The following CDH11 variants were observed in gnomAD, a reference collection of about 807,000 sequenced individuals.
CDH11 encodes cadherin-11.
A neutral mutation model predicts 67.8 loss-of-function variants in CDH11; 11 were observed. The observed-to-expected ratio is 0.16, with a 90% CI of 0.10 to 0.27. The LOEUF (loss-of-function observed/expected upper bound fraction) is 0.27. CDH11 is among the 10% of genes least tolerant of loss of function. The pLI, the probability that CDH11 is intolerant of heterozygous loss-of-function variation, is 1.00. For synonymous variants in CDH11, 419 were observed against 400.0 expected (o/e 1.05, Z -0.57); for missense variants, 847 against 1,031.2 (o/e 0.82, Z 2.45).
intron 1 of CDH11, among the ~76,000 whole-genome samples, chr16:65,098,112 G>C (rs2074930283): frequency 6.6e-6 from 1 of 152,194 alleles, no homozygotes; most frequent in Admixed American, 6.5e-5. Context: ...AACTGTGGAA[G>C]AGAAGGCCAT....
intron 1 of CDH11, among the ~76,000 whole-genome samples, chr16:65,096,421 G>A (rs2074893880): frequency 6.9e-6 from 1 of 143,918 alleles, no homozygotes; most frequent in African/African-American, 2.7e-5. Context: ...GTGTGTGTGT[G>A]TGTGTGTGTG....
intron 4 of CDH11, among the ~76,000 whole-genome samples, chr16:64,993,592 A>T (rs2072686682): frequency 6.6e-6 from 1 of 152,192 alleles, no homozygotes; most frequent in South Asian, 2.1e-4. Flanking sequence ...TACTGGCATG[A>T]AAATTGCATC....
Position 64,956,865 on chromosome 16 carries a change from C to T in CDH11, c.1643-5847G>A, listed in dbSNP as rs571488153. ...TATAGGGGTTAGATGATGATGTAGC[C>T]CAATGAGGAAATATATGAGACTGGC... On this transcript the variant is annotated intron_variant, in intron 11 of 12. Coordinates refer to ENST00000268603, the MANE Select transcript of CDH11 (RefSeq NM_001797.4). 6.6e-5 allele frequency among the ~76,000 whole-genome samples: 10 copies of T among 151,640 alleles called. No individual in the cohort carries two copies. The South Asian group carries it at 2.1e-3, about 32-fold the overall frequency.
chr16:65,052,482 G>C (rs990596968), intron 2 of CDH11, among the ~76,000 whole-genome samples: 1 of 152,138 alleles, frequency 6.6e-6, no homozygotes, highest in African/African-American at 2.4e-5. Context: ...GGCTTTGGGG[G>C]AAATAATGGC....
intron 2 of CDH11, among the ~76,000 whole-genome samples, chr16:65,044,654 G>A (rs2073924293): frequency 1.3e-5 from 2 of 152,052 alleles, no homozygotes; most frequent in Admixed American, 6.6e-5. Flanking sequence ...GAAGAAAAAT[G>A]TGTGCAAGGG....
At chr16:64,982,607 G>A (rs1262200030) in intron 7 of CDH11, 1 of 254,098 alleles carries the variant, frequency 3.9e-6, no homozygotes, top group Non-Finnish European at 7.5e-6. Context: ...ATTACCTAAG[G>A]AAGGGAATTA....
chr16:65,058,278 G>T (rs2074180713), intron 1 of CDH11, among the ~76,000 whole-genome samples: 1 of 152,114 alleles, frequency 6.6e-6, no homozygotes, highest in Non-Finnish European at 1.5e-5. Context: ...GGATATTTTG[G>T]ATATTTTGGA....
At chr16:65,019,660 A>C (rs1057153513) in intron 2 of CDH11, among the ~76,000 whole-genome samples, 2 of 152,146 alleles carry the variant, frequency 1.3e-5, no homozygotes, top group East Asian at 3.8e-4. Context: ...GGAGCATATT[A>C]GTGTTCCAAA....
chr16:65,010,988 C>T (rs192293), intron 2 of CDH11, among the ~76,000 whole-genome samples: 5 of 124,456 alleles, frequency 4.0e-5, no homozygotes, highest in Middle Eastern at 4.6e-3. Context: ...TATATATATA[C>T]ACACACATAT....
intron 6 of CDH11, among the ~76,000 whole-genome samples, chr16:64,989,927 T>C (rs1449679733): frequency 1.3e-5 from 2 of 152,220 alleles, no homozygotes; most frequent in African/African-American, 4.8e-5. Context: ...TCTATATTTA[T>C]CAATAGTATT....
intron 1 of CDH11, among the ~76,000 whole-genome samples, chr16:65,080,541 ATATCTTTCT>A (rs1344627656): frequency 1.3e-5 from 2 of 152,202 alleles, no homozygotes; most frequent in Non-Finnish European, 2.9e-5. Context: ...CATTGCTTGA[ATATCTTTCT>A]TTGATTAGTA....
At chr16:65,022,399 T>A (rs1456863265) in intron 2 of CDH11, among the ~76,000 whole-genome samples, 1 of 152,212 alleles carries the variant, frequency 6.6e-6, no homozygotes, top group Non-Finnish European at 1.5e-5. Flanking sequence ...CTTGTCCATG[T>A]GGCTAAACTT....
At chr16:65,109,751 A>G (rs1279325016) in intron 1 of CDH11, among the ~76,000 whole-genome samples, 1 of 152,154 alleles carries the variant, frequency 6.6e-6, no homozygotes. Context: ...ATGCCAAGCT[A>G]TTATGCTGCC....
At position 64,972,743 on chromosome 16, in the gene CDH11, T is replaced by G. The variant is rs368737289; in HGVS notation, c.1390+161A>C. The stretch of plus-strand genomic sequence containing the variant: ...ACAAGAACATTTCCCTTTGCCTATA[T>G]GTACTCCTAGAAAGATAACCGAAAA... On this transcript the variant is annotated intron_variant, in intron 9 of 12. Transcript: ENST00000268603. Among the ~76,000 whole-genome samples, 3 of 152,218 alleles carry G rather than the reference T, an allele frequency of 2.0e-5. No individual in the cohort carries two copies. The South Asian group carries it at 6.2e-4, about 32-fold the overall frequency.
In CDH11 at chr16:64,992,989, G is replaced by T; in HGVS notation, c.569C>A (p.Thr190Asn). The T allele has an allele frequency of 6.2e-7, 1 of 1,611,632 alleles. No individual in the cohort carries two copies. Among genetic ancestry groups the T allele is most frequent in the Non-Finnish European group, 8.5e-7 (1 of 1,177,800 alleles). ...CACTAACTTGGCGCTATTTCCATAA[G>T]TGGGGTCATCTGCATCTGAAGCTGT... ...QVTASDADDP[T>N]YGNSAKLVYS... Residue 190 changes from threonine (T) to asparagine (N), a missense_variant, in exon 5 of 13, where the codon ACT (threonine) becomes AAT (asparagine). Around this residue, in one of 2 missense-constraint regions of CDH11, gnomAD observed 235 missense variants for 352.5 expected, o/e 0.67. Coordinates refer to ENST00000268603, the MANE Select transcript of CDH11 (RefSeq NM_001797.4).
chr16:64,973,088 C>A (rs1456757005), intron 8 of CDH11, 48 bp from the exon 9 acceptor site: 2 of 1,567,126 alleles, frequency 1.3e-6, no homozygotes, highest in Admixed American at 3.6e-5. Context: ...TTCAGAGCAG[C>A]TTAATATTTG....
chr16:65,120,144 G>A (rs2075301204), intron 1 of CDH11, among the ~76,000 whole-genome samples: 1 of 152,192 alleles, frequency 6.6e-6, no homozygotes, highest in African/African-American at 2.4e-5. Context: ...CTGTTCTGGT[G>A]TCTGCACCTA....
chr16:65,096,650 T>C (rs2074902226), intron 1 of CDH11, among the ~76,000 whole-genome samples: 1 of 149,894 alleles, frequency 6.7e-6, no homozygotes, highest in East Asian at 2.0e-4. Context: ...ATGTATTACA[T>C]GTATATATAC....
intron 2 of CDH11, among the ~76,000 whole-genome samples, chr16:65,015,660 C>T (rs7185468): frequency 0.012 from 1,775 of 152,184 alleles, 45 homozygotes; most frequent in African/African-American, 0.041. Flanking sequence ...TAAGTAATGA[C>T]CTGAGAGAGC....
Sources: gnomAD v4.1 joint callset for allele counts (sites outside exome capture counted in the v4.1 genomes callset) on GRCh38, gnomAD v4.1.1 for gene constraint, gnomAD v4.1.1 regional missense constraint, MANE v1.5 for transcripts, NCBI Gene and HGNC (gene_info 2026-07-23, HGNC 2026-07-21) for gene names.